TRAPPC9: variants seen among roughly 807,000 people sequenced by gnomAD.
TRAPPC9 encodes trafficking protein particle complex subunit 9, also known as IKK2 binding protein.
A neutral mutation model predicts 124.0 loss-of-function variants in TRAPPC9; 83 were observed. That is an observed-to-expected ratio of 0.67 (90% CI 0.56 to 0.80). TRAPPC9 has a LOEUF of 0.80. TRAPPC9 is among the 30% of genes least tolerant of loss of function. TRAPPC9 has a pLI of 0.00. For synonymous variants in TRAPPC9, 638 were observed against 617.5 expected (o/e 1.03, Z -0.49); for missense variants, 1,302 against 1,508.3 (o/e 0.86, Z 2.27).
chr8:140,089,262 C>A (rs1218264300), intron 17 of TRAPPC9, among the ~76,000 whole-genome samples: 1 of 152,270 alleles, frequency 6.6e-6, no homozygotes, highest in East Asian at 1.9e-4. Flanking sequence ...AGCACCTCAT[C>A]CTCTTCTATC....
In TRAPPC9 at chr8:139,776,297, C is replaced by A. The variant is rs1190596194; in HGVS notation, c.3056-44095G>T. On this transcript the variant is annotated intron_variant, in intron 21 of 22. Transcript: ENST00000438773. The surrounding 1 kb of genome is among the most constrained non-coding windows in gnomAD (Gnocchi z 4.1). ...ATGAACTCAGCCACTCCAGGCAAAG[C>A]CAACAGGCCCAAACAGGGGACGTCA... 6.6e-6 allele frequency among the ~76,000 whole-genome samples: 1 copy of A among 152,198 alleles called. No individual in the cohort carries two copies. The highest frequency in any genetic ancestry group is 1.9e-4 in the East Asian group (1 of 5,178).
In TRAPPC9 at chr8:139,750,762, G is replaced by C. The variant is rs1001427162; in HGVS notation, c.3056-18560C>G. Among the ~76,000 whole-genome samples, 2 of 152,182 alleles carry C rather than the reference G, an allele frequency of 1.3e-5. 1 individual carries two copies. On this transcript the variant is annotated intron_variant, in intron 21 of 22. Coordinates refer to ENST00000438773, the MANE Select transcript of TRAPPC9 (RefSeq NM_001160372.4). ...CCGTGGGACCATTCAAACTGCACCT[G>C]TTCAACAGGTCCCAGCCTATGCTGG...
At chr8:139,800,052 CAG>C (rs1446145988) in intron 21 of TRAPPC9, among the ~76,000 whole-genome samples, 2 of 152,252 alleles carry the variant, frequency 1.3e-5, no homozygotes, top group Non-Finnish European at 2.9e-5. Context: ...GCACAGCAAA[CAG>C]ATGCCACAAA....
In TRAPPC9 at chr8:139,975,379, C is replaced by T. The variant is rs577656187; in HGVS notation, c.2810+13347G>A. Among the ~76,000 whole-genome samples the T allele has an allele frequency of 6.6e-5, 10 of 152,262 alleles. No homozygotes were observed. In the South Asian group the frequency reaches 1.9e-3, roughly 28 times the overall value. Reference sequence around the variant, plus strand: ...GGGCCCTGCCCCACAGTAAGCCTGGCGTGGGTCTAAGAATTTGCATTTCTA... The same window carrying T: ...GGGCCCTGCCCCACAGTAAGCCTGGTGTGGGTCTAAGAATTTGCATTTCTA... On this transcript the variant is annotated intron_variant, in intron 19 of 22. Coordinates refer to ENST00000438773, the MANE Select transcript of TRAPPC9 (RefSeq NM_001160372.4).
At chr8:140,013,772 C>T (rs1839283651) in intron 18 of TRAPPC9, among the ~76,000 whole-genome samples, 1 of 152,210 alleles carries the variant, frequency 6.6e-6, no homozygotes, top group African/African-American at 2.4e-5. Context: ...TGCCTTGTGT[C>T]AGGCACTGTT....
intron 20 of TRAPPC9, among the ~76,000 whole-genome samples, chr8:139,899,952 G>A (rs1038750310): frequency 6.6e-6 from 1 of 152,122 alleles, no homozygotes; most frequent in Non-Finnish European, 1.5e-5. Flanking sequence ...CAACCCCACA[G>A]AACCAAATGT....
chr8:140,061,365 G>A (rs905324498), intron 17 of TRAPPC9, among the ~76,000 whole-genome samples: 2 of 152,166 alleles, frequency 1.3e-5, no homozygotes, highest in African/African-American at 4.8e-5. Flanking sequence ...CTAATCAAGA[G>A]CATTTCGTGA....
At chr8:139,758,215 C>T (rs537624761) in intron 21 of TRAPPC9, among the ~76,000 whole-genome samples, 204 of 152,334 alleles carry the variant, frequency 1.3e-3, no homozygotes, top group African/African-American at 4.7e-3. Context: ...GCTGGACTTG[C>T]TGGCTGGGGC....
At chr8:139,931,696 G>C (rs1357006342) in intron 19 of TRAPPC9, 1 of 153,754 alleles carries the variant, frequency 6.5e-6, no homozygotes, top group Non-Finnish European at 1.4e-5. Context: ...GCGGGTGTGG[G>C]ACCAGTGCGG....
At chr8:140,015,432 G>A (rs552181071) in intron 18 of TRAPPC9, among the ~76,000 whole-genome samples, 1 of 152,194 alleles carries the variant, frequency 6.6e-6, no homozygotes, top group African/African-American at 2.4e-5. Context: ...CATGCATCAC[G>A]TAACTTCAAT....
At chr8:140,053,984 T>C (rs1022464649) in intron 17 of TRAPPC9, among the ~76,000 whole-genome samples, 7 of 152,220 alleles carry the variant, frequency 4.6e-5, no homozygotes, top group African/African-American at 1.4e-4. Context: ...TGGAATACTA[T>C]GCAGCCATAG....
chr8:139,961,211 G>C lies in TRAPPC9; in HGVS notation c.2810+27515C>G, dbSNP rs1434569074. On this transcript the variant is annotated intron_variant, in intron 19 of 22. Coordinates refer to ENST00000438773, the MANE Select transcript of TRAPPC9 (RefSeq NM_001160372.4). ...ATTTCTACCGTCTGCCCACTACACAGAGCAGGGATAGCTGTGAGCACACAG... is the reference window on the plus strand; with the variant it reads ...ATTTCTACCGTCTGCCCACTACACACAGCAGGGATAGCTGTGAGCACACAG... Among the ~76,000 whole-genome samples, 2 of 124,934 alleles carry C rather than the reference G, an allele frequency of 1.6e-5. 1 individual carries two copies. Among genetic ancestry groups the C allele is most frequent in the Non-Finnish European group, 3.8e-5 (2 of 52,296 alleles). The allele number at this position is 124,934 out of a possible 152,430, so 82.0% of individuals were successfully genotyped here. A position where few individuals can be genotyped will look rare whatever the true frequency, so the allele number is the denominator to read the frequency against.
chr8:140,150,000 A>G (rs1219576937), intron 17 of TRAPPC9, among the ~76,000 whole-genome samples: 2 of 152,156 alleles, frequency 1.3e-5, no homozygotes, highest in Non-Finnish European at 2.9e-5. Flanking sequence ...GAGCTCAAAC[A>G]TTTGTAGCCT....
intron 16 of TRAPPC9, among the ~76,000 whole-genome samples, chr8:140,245,963 C>A (rs1233589377): frequency 6.6e-6 from 1 of 152,180 alleles, no homozygotes; most frequent in Admixed American, 6.5e-5. Context: ...CCATTGTTAG[C>A]CCAAATACTT....
rs536695732 is a variant in TRAPPC9, at chr8:140,083,062, A to G, written c.2557-58983T>C. On this transcript the variant is annotated intron_variant, in intron 17 of 22. Transcript: ENST00000438773. ...AAAAAAATCAGCTGGGCATGGTGGC[A>G]TGTGCCTGTAGTCCCAGCTGCTCGG... is the stretch of plus-strand genomic sequence containing the variant. Among the ~76,000 whole-genome samples, 12 of 152,282 alleles carry G rather than the reference A, an allele frequency of 7.9e-5. 1 individual carries two copies. In the East Asian group the frequency reaches 2.1e-3, roughly 27 times the overall value.
At chr8:140,066,406 A>G (rs1237827449) in intron 17 of TRAPPC9, among the ~76,000 whole-genome samples, 1 of 152,198 alleles carries the variant, frequency 6.6e-6, no homozygotes, top group African/African-American at 2.4e-5. Flanking sequence ...CTCCTTAAGA[A>G]TGGCGATTGT....
chr8:140,410,502 C>G (rs1010962061), intron 5 of TRAPPC9, among the ~76,000 whole-genome samples: 1 of 151,994 alleles, frequency 6.6e-6, no homozygotes, highest in Non-Finnish European at 1.5e-5. Flanking sequence ...TGCCACTGCA[C>G]TCCAGCCTGG....
intron 19 of TRAPPC9, among the ~76,000 whole-genome samples, chr8:139,934,358 G>A (rs953332128): frequency 9.9e-5 from 15 of 152,102 alleles, no homozygotes; most frequent in East Asian, 1.9e-4. Flanking sequence ...ACCTGGCAGG[G>A]GTGTCTCCTG....
chr8:140,407,175 G>A (rs983289641), intron 5 of TRAPPC9, among the ~76,000 whole-genome samples: 1 of 152,200 alleles, frequency 6.6e-6, no homozygotes, highest in Admixed American at 6.5e-5. Context: ...ATCCTACAGA[G>A]ATTAAATCTC....
Sources: gnomAD v4.1 joint callset for allele counts (sites outside exome capture counted in the v4.1 genomes callset) on GRCh38, gnomAD v4.1.1 for gene constraint, Gnocchi (gnomAD v3.1) non-coding constraint, MANE v1.5 for transcripts, NCBI Gene and HGNC (gene_info 2026-07-23, HGNC 2026-07-21) for gene names.